The following CNTN4 variants were observed in gnomAD, a reference collection of about 807,000 sequenced individuals.
CNTN4 encodes contactin 4.
Under a neutral mutation model 122.5 loss-of-function variants are expected in CNTN4, and 77 were observed. The ratio of observed to expected loss-of-function variants is 0.63; its 90% CI spans 0.52 to 0.76. The LOEUF (loss-of-function observed/expected upper bound fraction) is 0.76. Among genes scored for constraint, CNTN4 ranks in the 30% least tolerant of loss-of-function variants. The pLI is 0.00. For synonymous variants in CNTN4, 512 were observed against 447.0 expected, an observed-to-expected ratio of 1.15 and a Z score of -1.83; for missense variants, 1,256 against 1,259.1, an observed-to-expected ratio of 1.00 and a Z score of 0.04.
At chr3:2,354,621 C>T (rs2044790363) in intron 3 of CNTN4, among the ~76,000 whole-genome samples, 4 of 152,120 alleles carry the variant, frequency 2.6e-5, no homozygotes, top group African/African-American at 9.7e-5. Context: ...GATACCAGAG[C>T]AACTATTTGC....
chr3:2,272,343 C>T (rs556449563), intron 2 of CNTN4, among the ~76,000 whole-genome samples: 1 of 152,056 alleles, frequency 6.6e-6, no homozygotes, highest in South Asian at 2.1e-4. Flanking sequence ...TTATATGCAC[C>T]ATTTCTCTAA....
intron 4 of CNTN4, among the ~76,000 whole-genome samples, chr3:2,605,389 C>G (rs1039935100): frequency 6.6e-6 from 1 of 152,060 alleles, no homozygotes; most frequent in Non-Finnish European, 1.5e-5. Flanking sequence ...GGCAACATGG[C>G]AGATCATGCA....
At chr3:2,568,862 G>A (rs962519766) in intron 3 of CNTN4, among the ~76,000 whole-genome samples, 1 of 152,084 alleles carries the variant, frequency 6.6e-6, no homozygotes, top group Admixed American at 6.6e-5. Flanking sequence ...ATCATATCAT[G>A]AACTAAATCT....
chr3:2,450,129 G>C (rs2048772700), intron 3 of CNTN4, among the ~76,000 whole-genome samples: 1 of 152,152 alleles, frequency 6.6e-6, no homozygotes, highest in Admixed American at 6.6e-5. Context: ...CACTTTGGAA[G>C]GCCAAGATGG....
intron 4 of CNTN4, among the ~76,000 whole-genome samples, chr3:2,589,329 G>A (rs2080350395): frequency 6.6e-6 from 1 of 152,158 alleles, no homozygotes; most frequent in Non-Finnish European, 1.5e-5. Context: ...TAGTTTCAGT[G>A]CCTTATTTTT....
At chr3:2,948,957 T>C (rs2094707898) in intron 13 of CNTN4, among the ~76,000 whole-genome samples, 1 of 152,046 alleles carries the variant, frequency 6.6e-6, no homozygotes, top group African/African-American at 2.4e-5. Context: ...TAATCAGCCC[T>C]TCCAGTGACT....
intron 4 of CNTN4, among the ~76,000 whole-genome samples, chr3:2,686,660 T>A (rs2085445719): frequency 6.6e-6 from 1 of 152,138 alleles, no homozygotes; most frequent in Non-Finnish European, 1.5e-5. Flanking sequence ...TGTGTCTGTG[T>A]GTCTGTGTGT....
intron 4 of CNTN4, among the ~76,000 whole-genome samples, chr3:2,627,325 T>C (rs1057042194): frequency 6.6e-6 from 1 of 152,168 alleles, no homozygotes; most frequent in Non-Finnish European, 1.5e-5. Flanking sequence ...CTTCCAGTCA[T>C]TCTTGCAAGT....
intron 3 of CNTN4, among the ~76,000 whole-genome samples, chr3:2,368,419 A>G (rs770132330): frequency 1.3e-5 from 2 of 152,066 alleles, no homozygotes; most frequent in Non-Finnish European, 2.9e-5. Flanking sequence ...GTGTCTAGCC[A>G]TTTACGTAGG....
intron 2 of CNTN4, among the ~76,000 whole-genome samples, chr3:2,231,831 C>G (rs2039499166): frequency 6.6e-6 from 1 of 151,994 alleles, no homozygotes. Flanking sequence ...CAATTATGTC[C>G]TGATAAAAAT....
chr3:2,795,551 C>A (rs1018231369), intron 6 of CNTN4, among the ~76,000 whole-genome samples: 3 of 147,462 alleles, frequency 2.0e-5, no homozygotes, highest in Non-Finnish European at 4.5e-5. Context: ...GATGGAGTCT[C>A]GCTCTGTCGC....
chr3:2,921,054 T>C (rs1577279332), intron 12 of CNTN4, among the ~76,000 whole-genome samples: 1 of 152,284 alleles, frequency 6.6e-6, no homozygotes, highest in East Asian at 1.9e-4. Flanking sequence ...GACTTGTTTT[T>C]TAAAAGACAG....
At position 2,735,382 on chromosome 3, in the gene CNTN4, C is replaced by A. The variant is rs17019543; in HGVS notation, c.56-833C>A. Among the ~76,000 whole-genome samples the A allele has an allele frequency of 6.5e-3, 997 of 152,300 alleles. 14 individuals carry two copies. Among genetic ancestry groups the A allele is most frequent in the African/African-American group, 0.023 (941 of 41,562 alleles). On this transcript the variant is annotated intron_variant, in intron 4 of 24. Coordinates refer to ENST00000418658, the MANE Select transcript of CNTN4 (RefSeq NM_175607.3). Reference sequence around the variant, plus strand: ...GCCACTTAAGGTATGGTTTGTGGATCATTCCAGTCTTTGAACTTTGTTACT... The same window carrying A: ...GCCACTTAAGGTATGGTTTGTGGATAATTCCAGTCTTTGAACTTTGTTACT...
chr3:2,781,880 C>CCGT (rs2091598101), intron 6 of CNTN4, among the ~76,000 whole-genome samples: 1 of 58,112 alleles, frequency 1.7e-5, no homozygotes, highest in Non-Finnish European at 3.7e-5. Flanking sequence ...GCCCGCACCA[C>CCGT]GCCCGGCTAA....
chr3:2,906,339 G>A (rs1401593980), intron 12 of CNTN4, among the ~76,000 whole-genome samples: 2 of 152,056 alleles, frequency 1.3e-5, no homozygotes, highest in South Asian at 2.1e-4. Context: ...GATGTTAAGT[G>A]TTTCACCACA....
intron 3 of CNTN4, among the ~76,000 whole-genome samples, chr3:2,453,071 A>G (rs907762645): frequency 6.6e-6 from 1 of 152,142 alleles, no homozygotes; most frequent in Admixed American, 6.6e-5. Flanking sequence ...CAGTGTTAAC[A>G]GATTGTAAGA....
intron 23 of CNTN4, among the ~76,000 whole-genome samples, chr3:3,046,652 C>T (rs187208672): frequency 3.6e-4 from 55 of 152,166 alleles, no homozygotes; most frequent in Admixed American, 2.4e-3. Flanking sequence ...AAGGAACAGC[C>T]AGTACCAGCC....
At chr3:2,959,188 C>A (rs1359936259) in intron 13 of CNTN4, among the ~76,000 whole-genome samples, 1 of 152,114 alleles carries the variant, frequency 6.6e-6, no homozygotes, top group South Asian at 2.1e-4. Flanking sequence ...GAAACTACAG[C>A]AATTTTTTGA....
At chr3:2,691,549 T>C (rs146118061) in intron 4 of CNTN4, among the ~76,000 whole-genome samples, 252 of 152,288 alleles carry the variant, frequency 1.7e-3, no homozygotes, top group African/African-American at 6.0e-3. Context: ...TCCACTAGGA[T>C]ACTGAGAATG....
Sources: allele counts gnomAD v4.1 joint callset (sites outside exome capture counted in the v4.1 genomes callset), GRCh38; gene constraint gnomAD v4.1.1; transcripts MANE v1.5; gene names NCBI Gene and HGNC (gene_info 2026-07-23, HGNC 2026-07-21).